The following SLCO4A1 variants were observed in gnomAD, a reference collection of about 807,000 sequenced individuals.
The protein encoded by SLCO4A1 is colon organic anion transporter.
In SLCO4A1, 51 loss-of-function variants were observed where a neutral mutation model predicts 64.6. The ratio of observed to expected loss-of-function variants is 0.79; its 90% CI spans 0.63 to 1.00. The LOEUF is 1.00. Among genes scored for constraint, SLCO4A1 ranks in the 50% least tolerant of loss-of-function variants. The pLI, the probability that SLCO4A1 is intolerant of heterozygous loss-of-function variation, is 0.00. For missense variants in SLCO4A1, 919 were observed against 980.5 expected (o/e 0.94, Z 0.84); for synonymous variants, 471 against 444.9 (o/e 1.06, Z -0.74).
At chr20:62,666,604 G>T in intron 7 of SLCO4A1, 29 bp downstream of exon 7, 4 of 1,600,476 alleles carry the variant, frequency 2.5e-6, no homozygotes, top group Non-Finnish European at 3.4e-6. Flanking sequence ...CTGGGTACGC[G>T]TCGGGGCCCC....
In SLCO4A1 at chr20:62,644,588, A is replaced by T. The variant is rs1980986620; in HGVS notation, c.-97+2035A>T. Among the ~76,000 whole-genome samples the T allele has an allele frequency of 6.6e-6, 1 of 152,236 alleles. No homozygotes were observed. The highest frequency in any genetic ancestry group is 6.5e-5 in the Admixed American group (1 of 15,290). On this transcript the variant is annotated intron_variant, in intron 1 of 11. Coordinates refer to ENST00000217159, the MANE Select transcript of SLCO4A1 (RefSeq NM_016354.4). This position sits in a 1 kb window ranked among gnomAD's most constrained non-coding sequence, Gnocchi z 5.4. ...GGGCCCCTTGGCTTGACCAAGCCCC[A>T]TTGCAGTTTTGGCTCCAGGTCGGTC...
downstream of SLCO4A1, among the ~76,000 whole-genome samples, chr20:62,689,143 G>A (rs969534071): frequency 2.0e-5 from 3 of 152,242 alleles, no homozygotes; most frequent in Non-Finnish European, 2.9e-5. Context: ...TGGCCTGCAC[G>A]TGGCCAGCTG....
chr20:62,659,659 G>A (rs975980810), intron 3 of SLCO4A1, among the ~76,000 whole-genome samples: 2 of 152,204 alleles, frequency 1.3e-5, no homozygotes, highest in African/African-American at 2.4e-5. Flanking sequence ...TCTGGCCCCC[G>A]GAGGCGGCCG....
chr20:62,680,946 C>G (rs773933478), intron 2 of SLCO4A1, among the ~76,000 whole-genome samples: 3 of 152,156 alleles, frequency 2.0e-5, no homozygotes, highest in African/African-American at 4.8e-5. Flanking sequence ...ACTCTGTCAC[C>G]TGGGCTGGAT....
downstream of SLCO4A1, among the ~76,000 whole-genome samples, chr20:62,674,962 A>G (rs540522174): frequency 3.3e-5 from 5 of 152,206 alleles, no homozygotes; most frequent in East Asian, 7.8e-4. Context: ...CCGCCAAGCT[A>G]TGGTTCTGTG....
rs201775258 is a variant in SLCO4A1 at position 62,668,068 on chromosome 20, C to T, written c.1695C>T (p.Ala565=). ...ATCTTTCCTCTGGTTTTGGCCATGC[C>T]ACTGCAGGGAAATGCACTTCAACTT... ...PQNLSSGFGH[A]TAGKCTSTCQ... Residue 565 remains alanine (A), a synonymous_variant, in exon 9 of 12, where the codon GCC becomes GCT. Coordinates refer to ENST00000217159, the MANE Select transcript of SLCO4A1 (RefSeq NM_016354.4). The T allele has an allele frequency of 3.1e-6, 5 of 1,614,006 alleles. No homozygotes were observed. Among genetic ancestry groups the T allele is most frequent in the African/African-American group, 2.7e-5 (2 of 75,058 alleles).
chr20:62,683,912 GC>G (rs1987949221), intron 2 of SLCO4A1, among the ~76,000 whole-genome samples: 1 of 140,336 alleles, frequency 7.1e-6, no homozygotes, highest in Non-Finnish European at 1.6e-5. Flanking sequence ...ACACGCTCAC[GC>G]AACGATCTCA....
At position 62,657,199 on chromosome 20, in the gene SLCO4A1, G is replaced by A. The variant is rs753253895; in HGVS notation, c.745G>A (p.Val249Ile). ...VGATPLYTLG[V>I]TYLDENVKSS... The stretch of plus-strand genomic sequence containing the variant: ...TGCCACACCCCTCTACACGCTGGGC[G>A]TCACCTACCTGGATGAGAACGTCAA... Residue 249 changes from valine to isoleucine, a missense_variant, in exon 2 of 12, where the codon GTC (valine) becomes ATC (isoleucine). Physicochemically the swap from Val to Ile is conservative, Grantham distance 29. Transcript: ENST00000217159. 2.3e-5 allele frequency: 35 copies of A among 1,548,650 alleles called. No individual in the cohort carries two copies. Among genetic ancestry groups the A allele is most frequent in the East Asian group, 7.3e-5 (3 of 40,890 alleles).
chr20:62,653,474 G>A (rs531017971), intron 1 of SLCO4A1, among the ~76,000 whole-genome samples: 1 of 152,356 alleles, frequency 6.6e-6, no homozygotes, highest in Admixed American at 6.5e-5. Context: ...AAAAAAGCCA[G>A]CAATTTGTCA....
At chr20:62,673,991 C>T (rs998506564), downstream of SLCO4A1, among the ~76,000 whole-genome samples, 7 of 152,248 alleles carry the variant, frequency 4.6e-5, no homozygotes, top group Non-Finnish European at 8.8e-5. Context: ...TGGGCATGGA[C>T]CTCACCCCCC....
Position 62,657,174 on chromosome 20 carries a change from T to A in SLCO4A1, c.720T>A (p.Gly240=). The A allele has an allele frequency of 6.4e-7, 1 of 1,555,652 alleles. No homozygotes were observed. Among genetic ancestry groups the A allele is most frequent in the Non-Finnish European group, 8.7e-7 (1 of 1,150,498 alleles). The part of the protein sequence containing the change: ...FMLGQFLHGV[G]ATPLYTLGVT... The stretch of plus-strand genomic sequence containing the variant: ...TGGGCCAGTTCCTGCATGGCGTGGG[T>A]GCCACACCCCTCTACACGCTGGGCG... Residue 240 remains glycine (G), a synonymous_variant, in exon 2 of 12, where the codon GGT becomes GGA. Coordinates refer to ENST00000217159, the MANE Select transcript of SLCO4A1 (RefSeq NM_016354.4).
chr20:62,643,716 T>C (rs573413218), intron 1 of SLCO4A1, among the ~76,000 whole-genome samples: 1 of 152,350 alleles, frequency 6.6e-6, no homozygotes, highest in African/African-American at 2.4e-5. Flanking sequence ...AGCAAATGGA[T>C]CTCAGAGGAC....
At chr20:62,657,622 G>A (rs1465374696) in intron 2 of SLCO4A1, among the ~76,000 whole-genome samples, 1 of 152,236 alleles carries the variant, frequency 6.6e-6, no homozygotes, top group Non-Finnish European at 1.5e-5. Flanking sequence ...CCTGGCACTT[G>A]CCTGGGAAGG....
intron 5 of SLCO4A1, among the ~76,000 whole-genome samples, chr20:62,663,993 C>A (rs892448268): frequency 5.9e-5 from 9 of 152,184 alleles, no homozygotes; most frequent in African/African-American, 2.2e-4. Context: ...CCTCCATTCA[C>A]CCCCCAGGGC....
At chr20:62,690,499 G>C (rs995369079), downstream of SLCO4A1, among the ~76,000 whole-genome samples, 4 of 152,170 alleles carry the variant, frequency 2.6e-5, no homozygotes, top group African/African-American at 9.7e-5. Flanking sequence ...CAGAGCCCTG[G>C]CTGTGCTATT....
chr20:62,668,460 G>A lies in SLCO4A1; in HGVS notation c.1812-17G>A. ...CCCCACTTCTGTGGGTGCTGACGCT[G>A]TGGTTTTCTATTGCAGATGTGTCCG... On this transcript the variant is annotated splice_polypyrimidine_tract_variant and intron_variant, in intron 9 of 11. Transcript: ENST00000217159. 3 of 1,613,698 alleles carry A rather than the reference G, an allele frequency of 1.9e-6. No homozygotes were observed. The highest frequency in any genetic ancestry group is 1.1e-5 in the South Asian group (1 of 91,076).
chr20:62,670,472 C>A (rs763545059), intron 11 of SLCO4A1, among the ~76,000 whole-genome samples: 1 of 152,226 alleles, frequency 6.6e-6, no homozygotes, highest in African/African-American at 2.4e-5. Flanking sequence ...GGAGCACTCA[C>A]GCCGCCGTTC....
At chr20:62,683,759 A>G (rs982405812) in intron 2 of SLCO4A1, among the ~76,000 whole-genome samples, 2 of 151,952 alleles carry the variant, frequency 1.3e-5, no homozygotes, top group Non-Finnish European at 2.9e-5. Context: ...GTGTGAGTGC[A>G]CTCTGCGGTG....
At chr20:62,666,682 G>A (rs2064658869) in intron 7 of SLCO4A1, 107 bp downstream of exon 7, 2 of 1,015,220 alleles carry the variant, frequency 2.0e-6, no homozygotes, top group Non-Finnish European at 3.0e-6. Flanking sequence ...TTTTGAAAAG[G>A]GCTACGTCAC....
Sources: gnomAD v4.1 joint callset for allele counts (sites outside exome capture counted in the v4.1 genomes callset) on GRCh38, gnomAD v4.1.1 for gene constraint, Gnocchi (gnomAD v3.1) non-coding constraint, MANE v1.5 for transcripts, NCBI Gene and HGNC (gene_info 2026-07-23, HGNC 2026-07-21) for gene names.